PCLO: variants seen among roughly 807,000 people sequenced by gnomAD.
PCLO encodes piccolo presynaptic cytomatrix protein.
Under a neutral mutation model 427.5 loss-of-function variants are expected in PCLO, and 82 were observed. The observed-to-expected ratio is 0.19, with a 90% CI of 0.16 to 0.23. PCLO has a LOEUF of 0.23. Ranked by LOEUF, PCLO falls within the 10% of genes least tolerant of loss-of-function variation. The pLI is 1.00. For synonymous variants in PCLO, 2,357 were observed against 2,155.4 expected (o/e 1.09, Z -2.59); for missense variants, 6,239 against 6,115.9 (o/e 1.02, Z -0.67).
intron 9 of PCLO, among the ~76,000 whole-genome samples, chr7:82,894,109 T>C (rs1168616751): frequency 6.6e-6 from 1 of 151,932 alleles, no homozygotes; most frequent in Non-Finnish European, 1.5e-5. Flanking sequence ...TCTCAGGAAA[T>C]ACATTATAAA....
At chr7:83,088,524 G>C (rs1288210868) in intron 3 of PCLO, among the ~76,000 whole-genome samples, 8 of 152,148 alleles carry the variant, frequency 5.3e-5, no homozygotes, top group African/African-American at 1.9e-4. Flanking sequence ...ATCAAGAAAT[G>C]TACTAGACCA....
chr7:82,874,291 G>T (rs1379290595), intron 10 of PCLO, among the ~76,000 whole-genome samples: 6 of 151,948 alleles, frequency 3.9e-5, no homozygotes, highest in Non-Finnish European at 1.5e-5. Flanking sequence ...CAATAGATGT[G>T]TGCACAAAGT....
chr7:83,025,117 G>A lies in PCLO; in HGVS notation c.3301-58630C>T, dbSNP rs570888872. Among the ~76,000 whole-genome samples the A allele has an allele frequency of 9.3e-3, 1,409 of 152,272 alleles. 31 individuals carry two copies. The highest frequency in any genetic ancestry group is 0.031 in the African/African-American group (1,269 of 41,572). On this transcript the variant is annotated intron_variant, in intron 3 of 24. Coordinates refer to ENST00000333891, the MANE Select transcript of PCLO (RefSeq NM_033026.6). ...AAGCTGGACGGAGAACGACTTTGAC[G>A]AGCTGAGAGAAGAAGGCTTCAGACG...
Position 82,902,647 on chromosome 7 carries a change from T to C in PCLO, c.13528+4A>G, listed in dbSNP as rs753269681. On this transcript the variant is annotated splice_donor_region_variant and intron_variant, in intron 9 of 24. Coordinates refer to ENST00000333891, the MANE Select transcript of PCLO (RefSeq NM_033026.6). Reference sequence around the variant, plus strand: ...AAAATATTAGATTATATGATTTGCTTTACCTGAAACTGTGTGATCCTTTGA... The same window carrying C: ...AAAATATTAGATTATATGATTTGCTCTACCTGAAACTGTGTGATCCTTTGA... 2.0e-6 allele frequency: 3 copies of C among 1,525,478 alleles called. No homozygotes were observed. The highest frequency in any genetic ancestry group is 2.7e-6 in the Non-Finnish European group (3 of 1,103,122). The allele number at this position is 1,525,478 out of a possible 1,614,324, so 94.5% of individuals were successfully genotyped here.
chr7:83,081,109 G>C (rs1790089067), intron 3 of PCLO, among the ~76,000 whole-genome samples: 1 of 151,804 alleles, frequency 6.6e-6, no homozygotes, highest in Non-Finnish European at 1.5e-5. Context: ...CTGCTTTCAG[G>C]ATTTAAAGTG....
intron 9 of PCLO, among the ~76,000 whole-genome samples, chr7:82,885,303 T>C (rs1793602596): frequency 6.6e-6 from 1 of 151,856 alleles, no homozygotes; most frequent in African/African-American, 2.4e-5. Context: ...ATAGCAAGAG[T>C]ATGGGGAATT....
At chr7:83,115,368 T>C (rs761195871) in intron 3 of PCLO, among the ~76,000 whole-genome samples, 2 of 151,974 alleles carry the variant, frequency 1.3e-5, no homozygotes, top group Non-Finnish European at 2.9e-5. Context: ...AAACTAAAAC[T>C]GGGTAAAATG....
chr7:82,829,296 C>T (rs1174733242), intron 16 of PCLO, among the ~76,000 whole-genome samples: 2 of 152,072 alleles, frequency 1.3e-5, no homozygotes, highest in East Asian at 3.9e-4. Context: ...GTCAGTCAAC[C>T]CTCCACCCAC....
At chr7:83,023,687 T>C (rs1788402737) in intron 3 of PCLO, among the ~76,000 whole-genome samples, 1 of 152,218 alleles carries the variant, frequency 6.6e-6, no homozygotes, top group South Asian at 2.1e-4. Flanking sequence ...ACATGTCTTG[T>C]ATGGGTGCCA....
intron 3 of PCLO, among the ~76,000 whole-genome samples, chr7:83,004,393 T>C (rs1439864112): frequency 6.6e-6 from 1 of 151,664 alleles, no homozygotes; most frequent in Non-Finnish European, 1.5e-5. Flanking sequence ...ACTCCAAGAA[T>C]ATACAACAGA....
At chr7:82,881,309 G>A (rs1793503147) in intron 9 of PCLO, among the ~76,000 whole-genome samples, 1 of 152,184 alleles carries the variant, frequency 6.6e-6, no homozygotes, top group African/African-American at 2.4e-5. Context: ...AAATGACAGT[G>A]TCTTGAAGGT....
At chr7:83,108,748 T>A (rs906413560) in intron 3 of PCLO, among the ~76,000 whole-genome samples, 1 of 149,726 alleles carries the variant, frequency 6.7e-6, no homozygotes, top group Admixed American at 6.7e-5. Context: ...ATATACATCA[T>A]AATTATATAA....
At chr7:83,106,602 A>G (rs1790863029) in intron 3 of PCLO, among the ~76,000 whole-genome samples, 1 of 152,218 alleles carries the variant, frequency 6.6e-6, no homozygotes, top group Admixed American at 6.5e-5. Flanking sequence ...ATGTCATGCC[A>G]TTCTTTTAAA....
At chr7:83,131,209 C>T (rs1791563309) in intron 3 of PCLO, among the ~76,000 whole-genome samples, 1 of 152,152 alleles carries the variant, frequency 6.6e-6, no homozygotes, top group Non-Finnish European at 1.5e-5. Context: ...AAAGAATTGT[C>T]TCTTGCTGTC....
intron 3 of PCLO, among the ~76,000 whole-genome samples, chr7:82,970,920 A>T (rs1056047934): frequency 4.0e-5 from 6 of 151,892 alleles, no homozygotes; most frequent in African/African-American, 1.4e-4. Flanking sequence ...ATCAATTATA[A>T]ACAAACTGAC....
In PCLO at chr7:82,756,928, C is replaced by T. The variant is rs995768379; in HGVS notation, c.*1647G>A. 1.4e-4 allele frequency: 22 copies of T among 151,822 alleles called. No individual in the cohort carries two copies. Among genetic ancestry groups the T allele is most frequent in the African/African-American group, 5.3e-4 (22 of 41,344 alleles). The allele number at this position is 151,822 out of a possible 1,614,324, so 9.4% of individuals were successfully genotyped here. A position where few individuals can be genotyped will look rare whatever the true frequency, so the allele number is the denominator to read the frequency against. ...CTGCTTTTATCCATGTCAATCCTTG[C>T]CATTGGTTTAGATGATGTTTTTCAC... On this transcript the variant is annotated 3_prime_UTR_variant, in exon 25 of 25. Transcript: ENST00000333891.
chr7:83,143,566 A>G (rs991436447), intron 2 of PCLO, among the ~76,000 whole-genome samples: 1 of 151,816 alleles, frequency 6.6e-6, no homozygotes, highest in Non-Finnish European at 1.5e-5. Context: ...ACTGAATGCT[A>G]GCAATAAAAT....
intron 3 of PCLO, among the ~76,000 whole-genome samples, chr7:82,979,636 G>T (rs1260959050): frequency 2.0e-5 from 3 of 152,150 alleles, no homozygotes; most frequent in Non-Finnish European, 4.4e-5. Flanking sequence ...GGTAGATACA[G>T]CCATATAAGG....
intron 3 of PCLO, among the ~76,000 whole-genome samples, chr7:83,024,324 T>G (rs922926399): frequency 6.6e-6 from 1 of 152,134 alleles, no homozygotes; most frequent in Non-Finnish European, 1.5e-5. Flanking sequence ...TTCCCTTTCC[T>G]AGTCAAAGAA....
Sources: gnomAD v4.1 joint callset for allele counts (sites outside exome capture counted in the v4.1 genomes callset) on GRCh38, gnomAD v4.1.1 for gene constraint, MANE v1.5 for transcripts, NCBI Gene and HGNC (gene_info 2026-07-23, HGNC 2026-07-21) for gene names.